REV3L: variants seen among roughly 807,000 people sequenced by gnomAD.
REV3L encodes REV3 like, DNA directed polymerase zeta catalytic subunit.
Under a neutral mutation model 299.4 loss-of-function variants are expected in REV3L, and 69 were observed. The ratio of observed to expected loss-of-function variants is 0.23; its 90% CI spans 0.19 to 0.28. The LOEUF (loss-of-function observed/expected upper bound fraction) is 0.28. Among genes scored for constraint, REV3L ranks in the 10% least tolerant of loss-of-function variants. The pLI is 1.00. For missense variants in REV3L, 3,128 were observed against 3,693.8 expected (o/e 0.85, Z 3.97); for synonymous variants, 1,238 against 1,271.4 (o/e 0.97, Z 0.56).
chr6:111,415,241 G>T (rs1049304381), intron 2 of REV3L, among the ~76,000 whole-genome samples: 3 of 152,144 alleles, frequency 2.0e-5, no homozygotes, highest in Admixed American at 2.0e-4. Context: ...GTCAGTCCCA[G>T]TCCTCCAAGA....
chr6:111,347,035 C>G (rs1209824951), intron 20 of REV3L, among the ~76,000 whole-genome samples: 1 of 151,980 alleles, frequency 6.6e-6, no homozygotes, highest in Non-Finnish European at 1.5e-5. Flanking sequence ...TTTGGGAGGC[C>G]GAGGTGGGCA....
At chr6:111,432,553 A>C (rs761807012) in intron 1 of REV3L, among the ~76,000 whole-genome samples, 2 of 152,222 alleles carry the variant, frequency 1.3e-5, no homozygotes, top group African/African-American at 2.4e-5. Flanking sequence ...TGAGTGCATA[A>C]AGCAAATAAT....
chr6:111,461,327 T>A (rs1790749210), intron 1 of REV3L, among the ~76,000 whole-genome samples: 1 of 152,004 alleles, frequency 6.6e-6, no homozygotes, highest in Admixed American at 6.6e-5. Flanking sequence ...AAGTAAAAAT[T>A]AAAAATTTTT....
At chr6:111,421,873 C>T (rs1785402125) in intron 1 of REV3L, among the ~76,000 whole-genome samples, 1 of 152,148 alleles carries the variant, frequency 6.6e-6, no homozygotes, top group Admixed American at 6.5e-5. Context: ...ATATCACTAT[C>T]ATTAACTCCA....
At chr6:111,462,249 A>G in intron 1 of REV3L, among the ~76,000 whole-genome samples, 1 of 152,156 alleles carries the variant, frequency 6.6e-6, no homozygotes, top group East Asian at 1.9e-4. Context: ...TCTATTGCTA[A>G]TATGTATGAA....
In REV3L at chr6:111,372,663, C is replaced by T. The variant is rs762925824; in HGVS notation, c.5692G>A (p.Asp1898Asn). 19 of 1,572,382 alleles carry T rather than the reference C, an allele frequency of 1.2e-5. No individual in the cohort carries two copies. In the Admixed American group the frequency reaches 1.8e-4, roughly 15 times the overall value. ...EEIMATLLDH[D>N]LSETIYQEPF... Reference sequence around the variant, plus strand: ...TCCTGGTAAATAGTCTCAGACAGGTCATGATCCAACAAAGTTGCCATAATT... The same window carrying T: ...TCCTGGTAAATAGTCTCAGACAGGTTATGATCCAACAAAGTTGCCATAATT... Residue 1898 changes from aspartate to asparagine, a missense_variant, in exon 13 of 32, where the codon GAC becomes AAC. Around this residue, in one of 9 missense-constraint regions of REV3L, gnomAD observed 2,409 missense variants for 2,611.8 expected, o/e 0.92. Transcript: ENST00000368802.
chr6:111,394,706 ATT>A (rs35239605), intron 4 of REV3L, among the ~76,000 whole-genome samples: 6 of 139,416 alleles, frequency 4.3e-5, no homozygotes, highest in Admixed American at 7.2e-5. Flanking sequence ...CTGTCCTACA[ATT>A]TTTTTTTTTT....
At chr6:111,312,874 C>A (rs1401617924) in intron 28 of REV3L, 1 of 152,406 alleles carries the variant, frequency 6.6e-6, no homozygotes, top group African/African-American at 2.4e-5. Flanking sequence ...TCTTGTTTAT[C>A]CTGCTCTGCT....
At chr6:111,479,914 G>A (rs1404549753) in intron 1 of REV3L, among the ~76,000 whole-genome samples, 1 of 152,058 alleles carries the variant, frequency 6.6e-6, no homozygotes, top group Non-Finnish European at 1.5e-5. Context: ...CTCAAGATAC[G>A]TCCTCAAAAC....
At chr6:111,392,793 AAATTT>A in intron 5 of REV3L, 78 bp downstream of exon 5, 4 of 873,382 alleles carry the variant, frequency 4.6e-6, no homozygotes, top group Non-Finnish European at 7.4e-6. Flanking sequence ...TAAAAGGTTA[AAATTT>A]AATTATGGTA....
chr6:111,365,435 A>G, intron 14 of REV3L, 91 bp from the exon 15 acceptor site: 1 of 617,400 alleles, frequency 1.6e-6, no homozygotes, highest in Non-Finnish European at 2.6e-6. Context: ...ACACTTAAGT[A>G]CCACTTGTGG....
At chr6:111,433,195 A>G (rs979309490) in intron 1 of REV3L, among the ~76,000 whole-genome samples, 5 of 152,190 alleles carry the variant, frequency 3.3e-5, no homozygotes, top group Non-Finnish European at 5.9e-5. Flanking sequence ...AGTAGCGATC[A>G]AATCAGAAAT....
intron 31 of REV3L, among the ~76,000 whole-genome samples, chr6:111,300,798 A>G (rs1477355857): frequency 6.6e-6 from 1 of 152,194 alleles, no homozygotes; most frequent in African/African-American, 2.4e-5. Flanking sequence ...CTGAGGATGT[A>G]TATCGCCTCA....
intron 1 of REV3L, among the ~76,000 whole-genome samples, chr6:111,432,502 A>G (rs1787058969): frequency 6.6e-6 from 1 of 152,228 alleles, no homozygotes; most frequent in Non-Finnish European, 1.5e-5. Context: ...GCAAGAGGAT[A>G]TAACAATTAT....
chr6:111,482,565 C>T (rs920393588), intron 1 of REV3L, among the ~76,000 whole-genome samples, 185 bp downstream of exon 1: 4 of 151,834 alleles, frequency 2.6e-5, no homozygotes, highest in Non-Finnish European at 5.9e-5. Flanking sequence ...CTCGCGCGGA[C>T]CCACATTTTT....
intron 1 of REV3L, among the ~76,000 whole-genome samples, chr6:111,472,563 T>C (rs1157097482): frequency 2.7e-5 from 4 of 150,348 alleles, no homozygotes; most frequent in African/African-American, 4.9e-5. Context: ...TCTAAAAAAA[T>C]AGAATTGGCC....
intron 4 of REV3L, among the ~76,000 whole-genome samples, chr6:111,396,368 TTA>T (rs1782508917): frequency 6.6e-6 from 1 of 151,532 alleles, no homozygotes; most frequent in Admixed American, 6.6e-5. Context: ...TTTTTTTTTT[TTA>T]TGTTTTGTTG....
chr6:111,410,699 T>C (rs1784155103), intron 3 of REV3L, among the ~76,000 whole-genome samples: 1 of 152,198 alleles, frequency 6.6e-6, no homozygotes. Flanking sequence ...AATGGTTTAA[T>C]CCAGGGTAAA....
At chr6:111,443,515 A>T (rs1016867737) in intron 1 of REV3L, among the ~76,000 whole-genome samples, 4 of 152,228 alleles carry the variant, frequency 2.6e-5, no homozygotes, top group African/African-American at 9.6e-5. Flanking sequence ...ATTTACTTGC[A>T]GATCAATCTG....
Sources: gnomAD v4.1 joint callset for allele counts (sites outside exome capture counted in the v4.1 genomes callset) on GRCh38, gnomAD v4.1.1 for gene constraint, gnomAD v4.1.1 regional missense constraint, MANE v1.5 for transcripts, NCBI Gene and HGNC (gene_info 2026-07-23, HGNC 2026-07-21) for gene names.